Variants in DPY19L4 observed in about 807,000 individuals in gnomAD.
The protein encoded by DPY19L4 is dpy-19 like 4.
A neutral mutation model predicts 102.8 loss-of-function variants in DPY19L4; 97 were observed. The observed-to-expected ratio is 0.94, with a 90% CI of 0.80 to 1.12. The LOEUF is 1.12. Among genes scored for constraint, DPY19L4 ranks in the 50% most tolerant of loss-of-function variants. The probability of loss-of-function intolerance (pLI) is 0.00; values close to 1 mark genes in which losing one functional copy is unlikely to be tolerated. For synonymous variants in DPY19L4, 252 were observed against 283.1 expected, an observed-to-expected ratio of 0.89 and a Z score of 1.10; for missense variants, 815 against 850.4, an observed-to-expected ratio of 0.96 and a Z score of 0.52.
In DPY19L4 at chr8:94,777,787, G is replaced by T; in HGVS notation, c.1575+1G>T. ...AAGAACTGTACACCCAATATTGTTG[G>T]TGAGTCATTATTTTGCATTGTTTCT... On this transcript the variant is annotated splice_donor_variant, in intron 14 of 18. Coordinates refer to ENST00000414645, the MANE Select transcript of DPY19L4 (RefSeq NM_181787.3). LOFTEE classifies it high-confidence loss of function. The T allele has an allele frequency of 6.2e-7, 1 of 1,604,744 alleles. No individual in the cohort carries two copies. Among genetic ancestry groups the T allele is most frequent in the Non-Finnish European group, 8.5e-7 (1 of 1,175,582 alleles).
At chr8:94,756,759 C>T (rs933661608) in intron 7 of DPY19L4, among the ~76,000 whole-genome samples, 4 of 152,110 alleles carry the variant, frequency 2.6e-5, no homozygotes, top group Admixed American at 2.0e-4. Flanking sequence ...CATGGTGGCT[C>T]ATGCCTGTAA....
intron 1 of DPY19L4, among the ~76,000 whole-genome samples, chr8:94,722,107 TA>T (rs1013239364): frequency 6.8e-5 from 10 of 146,816 alleles, no homozygotes; most frequent in East Asian, 4.0e-4. Context: ...AGACTCCATC[TA>T]AAAAAAAATA....
chr8:94,781,060 T>A (rs1276125917), intron 15 of DPY19L4, 24 bp from the exon 16 acceptor site: 1 of 1,489,846 alleles, frequency 6.7e-7, no homozygotes, highest in Non-Finnish European at 9.0e-7. Flanking sequence ...TTGGGGATTT[T>A]TTTTTTTTTT....
rs1258637447 is a variant in DPY19L4 at position 94,790,444 on chromosome 8, G to A, written c.*534G>A. On this transcript the variant is annotated 3_prime_UTR_variant, in exon 19 of 19. Transcript: ENST00000414645. ...TAAAATGGAAATTATATAAAGGAAA[G>A]TGATTTTTAAGGATATACATAAAGA... 1 of 152,468 alleles carries A rather than the reference G, an allele frequency of 6.6e-6. No homozygotes were observed. The highest frequency in any genetic ancestry group is 2.4e-5 in the African/African-American group (1 of 41,428). The allele number at this position is 152,468 out of a possible 1,614,324, so 9.4% of individuals were successfully genotyped here.
intron 14 of DPY19L4, among the ~76,000 whole-genome samples, chr8:94,778,334 A>G (rs1249745972): frequency 6.6e-6 from 1 of 152,214 alleles, no homozygotes; most frequent in Non-Finnish European, 1.5e-5. Flanking sequence ...GTGAGAGGTC[A>G]TCAAGAATCA....
At chr8:94,731,861 G>C (rs1220859103) in intron 2 of DPY19L4, among the ~76,000 whole-genome samples, 1 of 151,992 alleles carries the variant, frequency 6.6e-6, no homozygotes, top group Non-Finnish European at 1.5e-5. Flanking sequence ...TCTGCCTCCC[G>C]GGTTCACGCC....
chr8:94,734,603 T>G (rs1408722246), intron 2 of DPY19L4, 27 bp from the exon 3 acceptor site: 1 of 1,592,706 alleles, frequency 6.3e-7, no homozygotes, highest in Admixed American at 1.7e-5. Context: ...ATATTACCTT[T>G]TCATTACTTT....
chr8:94,779,938 A>T (rs1813355590), intron 14 of DPY19L4, among the ~76,000 whole-genome samples: 1 of 152,130 alleles, frequency 6.6e-6, no homozygotes, highest in Non-Finnish European at 1.5e-5. Flanking sequence ...ATTTTAACAG[A>T]CTAGTATACT....
chr8:94,789,841 C>G lies in DPY19L4; in HGVS notation c.2103C>G (p.Phe701Leu). The change falls in exon 19 of 19, where the codon TTC becomes TTG. Residue 701 changes from phenylalanine to leucine, a missense_variant. Transcript: ENST00000414645. Reference sequence around the variant, plus strand: ...ACTATTCTCCATATGTGAATTATTTCACTAGAGTATACTGGAACAGATCCT... The same window carrying G: ...ACTATTCTCCATATGTGAATTATTTGACTAGAGTATACTGGAACAGATCCT... The part of the protein sequence containing the change: ...KINYSPYVNY[F>L]TRVYWNRSYF... 1 of 1,611,132 alleles carries G rather than the reference C, an allele frequency of 6.2e-7. No homozygotes were observed. Among genetic ancestry groups the G allele is most frequent in the Non-Finnish European group, 8.5e-7 (1 of 1,178,800 alleles).
At chr8:94,780,737 G>T (rs1208052780) in intron 15 of DPY19L4, among the ~76,000 whole-genome samples, 1 of 152,022 alleles carries the variant, frequency 6.6e-6, no homozygotes, top group Admixed American at 6.6e-5. Context: ...TCTATGAAAT[G>T]ATATAAATTC....
At chr8:94,743,792 G>A (rs1043087462) in intron 6 of DPY19L4, among the ~76,000 whole-genome samples, 2 of 152,168 alleles carry the variant, frequency 1.3e-5, no homozygotes, top group African/African-American at 4.8e-5. Flanking sequence ...GATCACTTGA[G>A]GTCAGGAGAT....
At chr8:94,728,540 A>G (rs1352390954) in intron 2 of DPY19L4, among the ~76,000 whole-genome samples, 2 of 152,328 alleles carry the variant, frequency 1.3e-5, no homozygotes, top group East Asian at 1.9e-4. Flanking sequence ...TGAGGCCTAT[A>G]TATAAATTTG....
At position 94,765,261 on chromosome 8, in the gene DPY19L4, G is replaced by A; in HGVS notation, c.949G>A (p.Val317Ile). 1.9e-6 allele frequency: 3 copies of A among 1,609,774 alleles called. No individual in the cohort carries two copies. The highest frequency in any genetic ancestry group is 8.5e-7 in the Non-Finnish European group (1 of 1,179,028). The change falls in exon 9 of 19, where the codon GTA (valine) becomes ATA (isoleucine). Residue 317 changes from valine (V) to isoleucine (I), a missense_variant. Coordinates refer to ENST00000414645, the MANE Select transcript of DPY19L4 (RefSeq NM_181787.3). ...ACAGTTTGAGAATCCAGCTTTGTTGGTATCTCCTTTATTAAGTTTAGTAGC... is the reference window on the plus strand; with the variant it reads ...ACAGTTTGAGAATCCAGCTTTGTTGATATCTCCTTTATTAAGTTTAGTAGC... Reference protein sequence around the residue: ...LLQFENPALLVSPLLSLVAAL... With the variant: ...LLQFENPALLISPLLSLVAAL...
chr8:94,737,338 C>G lies in DPY19L4; in HGVS notation c.253-1031C>G, dbSNP rs1445893040. 2.0e-5 allele frequency among the ~76,000 whole-genome samples: 3 copies of G among 151,936 alleles called. No individual in the cohort carries two copies. The South Asian group carries it at 6.2e-4, about 31-fold the overall frequency. ...GGGATTACAGACACACACCACCAGG[C>G]CTAATTTTTCTATTTTTAGTAGAGA... is the stretch of plus-strand genomic sequence containing the variant. On this transcript the variant is annotated intron_variant, in intron 3 of 18. Transcript: ENST00000414645.
chr8:94,770,498 GGA>G lies in DPY19L4; in HGVS notation c.1384_1385del (p.Glu462LysfsTer99). On this transcript the variant is annotated frameshift_variant, in exon 13 of 19. Coordinates refer to ENST00000414645, the MANE Select transcript of DPY19L4 (RefSeq NM_181787.3). LOFTEE classifies it high-confidence loss of function. ...TGTTACTCTTGAAGATGGACGAATT[GGA>G]GAAAGACCAGAAATAATTTATCATG... ...ETVTLEDGRI[G>X]ERPEIIYHVI... 1 of 1,613,714 alleles carries G rather than the reference GGA, an allele frequency of 6.2e-7. No homozygotes were observed. Among genetic ancestry groups the G allele is most frequent in the Non-Finnish European group, 8.5e-7 (1 of 1,179,852 alleles).
Position 94,756,114 on chromosome 8 carries a change from T to G in DPY19L4, c.690T>G (p.Ala230=), listed in dbSNP as rs1812152732. ...WALPYFACQI[A]ALTGYLKSNL... is the part of the protein sequence containing the mutation. ...TACCATATTTTGCATGCCAAATTGC[T>G]GCACTTACAGGCTATTTAAAAAGCA... Residue 230 remains alanine, a synonymous_variant, in exon 7 of 19, where the codon GCT becomes GCG. Transcript: ENST00000414645. The G allele has an allele frequency of 6.2e-7, 1 of 1,613,768 alleles. No homozygotes were observed. The highest frequency in any genetic ancestry group is 8.5e-7 in the Non-Finnish European group (1 of 1,179,924).
At chr8:94,767,917 T>C (rs1201250982) in intron 11 of DPY19L4, among the ~76,000 whole-genome samples, 1 of 152,194 alleles carries the variant, frequency 6.6e-6, no homozygotes, top group Non-Finnish European at 1.5e-5. Context: ...ATATTTTGTT[T>C]TTCAAATCAT....
chr8:94,746,957 G>A (rs1811700956), intron 6 of DPY19L4, among the ~76,000 whole-genome samples: 1 of 152,066 alleles, frequency 6.6e-6, no homozygotes. Flanking sequence ...TGTACAACTG[G>A]GTGCTGTGAA....
intron 5 of DPY19L4, 25 bp downstream of exon 5, chr8:94,739,559 A>C: frequency 1.3e-6 from 2 of 1,597,604 alleles, no homozygotes; most frequent in Admixed American, 3.6e-5. Flanking sequence ...TTGGACCCTA[A>C]TATTTATTTT....
Sources: gnomAD v4.1 joint callset for allele counts (sites outside exome capture counted in the v4.1 genomes callset) on GRCh38, gnomAD v4.1.1 for gene constraint, MANE v1.5 for transcripts, NCBI Gene and HGNC (gene_info 2026-07-23, HGNC 2026-07-21) for gene names.